Variants in ETNK1 observed in about 807,000 individuals in gnomAD.
The protein encoded by ETNK1 is ethanolamine kinase 1.
In ETNK1, 8 loss-of-function variants were observed where a neutral mutation model predicts 45.1. The observed-to-expected ratio is 0.18, with a 90% confidence interval of 0.10 to 0.32. The LOEUF (loss-of-function observed/expected upper bound fraction) is 0.32, where lower values mean the gene tolerates loss of function less well. Ranked by LOEUF, ETNK1 falls within the 10% of genes least tolerant of loss-of-function variation. The pLI, the probability that ETNK1 is intolerant of heterozygous loss-of-function variation, is 1.00. For synonymous variants in ETNK1, 152 were observed against 151.9 expected (o/e 1.00, Z -0.01); for missense variants, 302 against 430.6 (o/e 0.70, Z 2.64).
At chr12:22,656,697 A>C (rs1458376682) in intron 2 of ETNK1, 1 of 985,228 alleles carries the variant, frequency 1.0e-6, no homozygotes, top group African/African-American at 1.7e-5. Context: ...AAAGGGGAAA[A>C]TTACGTTTTG....
chr12:22,661,217 A>C lies in ETNK1; in HGVS notation c.700+12A>C. 6.3e-7 allele frequency: 1 copy of C among 1,579,048 alleles called. No individual in the cohort carries two copies. The highest frequency in any genetic ancestry group is 8.5e-7 in the Non-Finnish European group (1 of 1,170,190). ...CAATGAGAAACAAGGTAGGTATTTG[A>C]CCTTAGCAGTAAGTAAAATTGATTT... On this transcript the variant is annotated intron_variant, in intron 4 of 7. Transcript: ENST00000266517.
rs536959052 is a variant in ETNK1 at position 22,639,295 on chromosome 12, C to T, written c.157-4468C>T. Reference sequence around the variant, plus strand: ...CTTGAACTCCTGACCCCAAGTGATCCTCCTGGCTCCCAAAGGGTTGGGATT... The same window carrying T: ...CTTGAACTCCTGACCCCAAGTGATCTTCCTGGCTCCCAAAGGGTTGGGATT... On this transcript the variant is annotated intron_variant, in intron 1 of 7. Coordinates refer to ENST00000266517, the MANE Select transcript of ETNK1 (RefSeq NM_018638.5). Among the ~76,000 whole-genome samples, 24 of 152,148 alleles carry T rather than the reference C, an allele frequency of 1.6e-4. No homozygotes were observed. In the East Asian group the frequency reaches 4.6e-3, roughly 29 times the overall value.
At chr12:22,669,604 C>T (rs1012062667) in intron 4 of ETNK1, among the ~76,000 whole-genome samples, 1 of 152,140 alleles carries the variant, frequency 6.6e-6, no homozygotes, top group African/African-American at 2.4e-5. Flanking sequence ...TGTCTTCACT[C>T]TCCTACTCCC....
chr12:22,664,591 G>A (rs1236513017), intron 4 of ETNK1, among the ~76,000 whole-genome samples: 5 of 152,078 alleles, frequency 3.3e-5, no homozygotes, highest in Non-Finnish European at 7.4e-5. Context: ...TTGTAGCATA[G>A]CATTAACACT....
chr12:22,648,113 A>G (rs1285414885), intron 2 of ETNK1, among the ~76,000 whole-genome samples: 1 of 151,930 alleles, frequency 6.6e-6, no homozygotes, highest in African/African-American at 2.4e-5. Flanking sequence ...AGGGGAAGGT[A>G]CAGAGATTTC....
intron 2 of ETNK1, among the ~76,000 whole-genome samples, chr12:22,655,207 A>G (rs1413299439): frequency 6.6e-6 from 1 of 151,996 alleles, no homozygotes; most frequent in African/African-American, 2.4e-5. Flanking sequence ...ACCTCAGGTG[A>G]TTCATCCACC....
intron 2 of ETNK1, among the ~76,000 whole-genome samples, chr12:22,651,621 G>A (rs1953876228): frequency 6.6e-6 from 1 of 150,942 alleles, no homozygotes; most frequent in Non-Finnish European, 1.5e-5. Context: ...GCATTCACAT[G>A]GTTGTGCAAC....
intron 4 of ETNK1, among the ~76,000 whole-genome samples, chr12:22,665,431 A>T (rs886460639): frequency 6.6e-6 from 1 of 152,200 alleles, no homozygotes; most frequent in Admixed American, 6.6e-5. Context: ...CTTCAGATGG[A>T]TGCTGACAAG....
At chr12:22,682,862 T>G (rs548454543) in intron 6 of ETNK1, among the ~76,000 whole-genome samples, 1 of 152,318 alleles carries the variant, frequency 6.6e-6, no homozygotes, top group African/African-American at 2.4e-5. Context: ...AAAACTCCCA[T>G]GGGTTCATCG....
intron 6 of ETNK1, among the ~76,000 whole-genome samples, chr12:22,680,443 C>G (rs1446235883): frequency 1.3e-5 from 2 of 152,162 alleles, no homozygotes; most frequent in Non-Finnish European, 1.5e-5. Flanking sequence ...ATGACAGCAT[C>G]TGCAAACTCT....
rs185327075 is a variant in ETNK1 at position 22,684,390 on chromosome 12, G to A, written c.946-93G>A. 5.6e-3 allele frequency: 4,630 copies of A among 821,206 alleles called. 33 individuals are homozygous for A. The highest frequency in any genetic ancestry group is 6.3e-3 in the Non-Finnish European group (3,188 of 505,780). The allele number at this position is 821,206 out of a possible 1,614,324, so 50.9% of individuals were successfully genotyped here. ...AGAACAGCAAGAAAGTGTGGTGCAT[G>A]GAGTTGATTTAGAGGATAGAATTAG... On this transcript the variant is annotated intron_variant, in intron 6 of 7. Coordinates refer to ENST00000266517, the MANE Select transcript of ETNK1 (RefSeq NM_018638.5).
chr12:22,680,890 T>TTCTC (rs1954208124), intron 6 of ETNK1, among the ~76,000 whole-genome samples: 1 of 53,202 alleles, frequency 1.9e-5, no homozygotes, highest in Non-Finnish European at 5.3e-5. Flanking sequence ...GAGCTTTTCT[T>TTCTC]CCCCCGCCCC....
intron 6 of ETNK1, among the ~76,000 whole-genome samples, chr12:22,677,304 A>G (rs1954171709): frequency 6.6e-6 from 1 of 152,168 alleles, no homozygotes; most frequent in Non-Finnish European, 1.5e-5. Flanking sequence ...AGATTTGTCA[A>G]AGATCAGATG....
At chr12:22,656,892 A>G (rs1953949072) in intron 2 of ETNK1, 5 of 778,672 alleles carry the variant, frequency 6.4e-6, no homozygotes, top group Admixed American at 1.2e-4. Flanking sequence ...TTCTGTTGAC[A>G]TAGATTGCCC....
chr12:22,660,401 G>C (rs16925251), intron 3 of ETNK1, among the ~76,000 whole-genome samples: 7,109 of 152,136 alleles, frequency 0.047, 542 homozygotes, highest in African/African-American at 0.16. Flanking sequence ...TACAAGTATA[G>C]ATAATAATCA....
rs76082461 is a variant in ETNK1, at chr12:22,658,898, G to A, written c.417-116G>A. ...CTGGTTTTTACAAGAGAGAGCACAG[G>A]TAGGTCTACAAGAAGATTCGGGAGA... On this transcript the variant is annotated intron_variant, in intron 2 of 7. Coordinates refer to ENST00000266517, the MANE Select transcript of ETNK1 (RefSeq NM_018638.5). 1.1e-4 allele frequency: 114 copies of A among 1,030,816 alleles called. 2 individuals are homozygous for A. The East Asian group carries it at 2.8e-3, about 25-fold the overall frequency. 63.9% of individuals were successfully genotyped at this position (1,030,816 alleles called of 1,614,324 possible).
chr12:22,652,705 A>T (rs189305483), intron 2 of ETNK1, among the ~76,000 whole-genome samples: 23 of 152,084 alleles, frequency 1.5e-4, no homozygotes, highest in African/African-American at 5.3e-4. Context: ...TTTGTTGTTG[A>T]GTTGTGGGAG....
At chr12:22,645,335 G>T (rs904235401) in intron 2 of ETNK1, among the ~76,000 whole-genome samples, 10 of 151,750 alleles carry the variant, frequency 6.6e-5, no homozygotes, top group Non-Finnish European at 5.9e-5. Context: ...CTAAAGCAGA[G>T]AGTAAAACAT....
rs1954256161 is a variant in ETNK1 at position 22,685,856 on chromosome 12, A to G, written c.*902A>G. The G allele has an allele frequency of 6.6e-6, 1 of 151,918 alleles. No individual in the cohort carries two copies. The highest frequency in any genetic ancestry group is 6.6e-5 in the Admixed American group (1 of 15,250). 9.4% of individuals were successfully genotyped at this position (151,918 alleles called of 1,614,324 possible). The stretch of plus-strand genomic sequence containing the variant: ...TTGCTAATTTTTGAAACAAATACAC[A>G]AAATTTATCATATGTAGAAATAAGA... On this transcript the variant is annotated 3_prime_UTR_variant, in exon 8 of 8. Transcript: ENST00000266517.
Sources: allele counts gnomAD v4.1 joint callset (sites outside exome capture counted in the v4.1 genomes callset), GRCh38; gene constraint gnomAD v4.1.1; transcripts MANE v1.5; gene names NCBI Gene and HGNC (gene_info 2026-07-23, HGNC 2026-07-21).